LAMA3: variants seen among roughly 807,000 people sequenced by gnomAD.
The protein encoded by LAMA3 is laminin subunit alpha-3.
LAMA3 carries 281 observed loss-of-function variants against 402.0 expected under a neutral mutation model. The observed-to-expected ratio is 0.70, with a 90% CI of 0.63 to 0.77. The LOEUF (loss-of-function observed/expected upper bound fraction) is 0.77. Among genes scored for constraint, LAMA3 ranks in the 30% least tolerant of loss-of-function variants. The probability of loss-of-function intolerance (pLI) is 0.00; values close to 1 mark genes in which losing one functional copy is unlikely to be tolerated. For missense variants in LAMA3, 3,840 were observed against 4,215.5 expected, an observed-to-expected ratio of 0.91 and a Z score of 2.47; for synonymous variants, 1,431 against 1,558.4, an observed-to-expected ratio of 0.92 and a Z score of 1.93.
chr18:23,689,605 CGGGAGGCGCAGGCGGAG>C lies in LAMA3; in HGVS notation c.-78_-62del. 2.7e-5 allele frequency: 33 copies of C among 1,201,278 alleles called. No individual in the cohort carries two copies. The highest frequency in any genetic ancestry group is 3.4e-5 in the Non-Finnish European group (33 of 961,372). The allele number at this position is 1,201,278 out of a possible 1,614,324, so 74.4% of individuals were successfully genotyped here. On this transcript the variant is annotated 5_prime_UTR_variant, in exon 1 of 75. Transcript: ENST00000313654. Reference sequence around the variant, plus strand: ...TGCGCTAGTCCTGGCGCTGCAGGTCCGGGAGGCGCAGGCGGAGAGCGGCGGTGCCCCCGAGCCCCTCT... The same window carrying C: ...TGCGCTAGTCCTGGCGCTGCAGGTCCAGCGGCGGTGCCCCCGAGCCCCTCT...
At chr18:23,722,447 A>G (rs889499912) in intron 2 of LAMA3, among the ~76,000 whole-genome samples, 4 of 152,186 alleles carry the variant, frequency 2.6e-5, no homozygotes, top group African/African-American at 7.2e-5. Context: ...TGTGTCCTCC[A>G]CTAAGATGGA....
intron 3 of LAMA3, 68 bp from the exon 4 acceptor site, chr18:23,749,360 G>A: frequency 7.2e-6 from 6 of 837,870 alleles, no homozygotes; most frequent in Non-Finnish European, 1.2e-5. Context: ...GAAACATAAG[G>A]CTTCTTAAGA....
At chr18:23,944,381 A>G (rs1244165940) in intron 69 of LAMA3, among the ~76,000 whole-genome samples, 2 of 152,200 alleles carry the variant, frequency 1.3e-5, no homozygotes, top group African/African-American at 4.8e-5. Context: ...AAGAAATACC[A>G]TTTAAGGCAA....
In LAMA3 at chr18:23,879,092, T is replaced by C. The variant is rs998209246; in HGVS notation, c.5112+2685T>C. ...TCTTCTTTCTTCATCTTCCTTCTTT[T>C]ATTTTCTGCTACTTGAGCCCATCTT... On this transcript the variant is annotated intron_variant, in intron 39 of 74. Coordinates refer to ENST00000313654, the MANE Select transcript of LAMA3 (RefSeq NM_198129.4). The surrounding 1 kb of genome is among the most constrained non-coding windows in gnomAD (Gnocchi z 4.2). Among the ~76,000 whole-genome samples, 8 of 152,174 alleles carry C rather than the reference T, an allele frequency of 5.3e-5. No individual in the cohort carries two copies. The highest frequency in any genetic ancestry group is 1.9e-4 in the African/African-American group (8 of 41,448).
intron 8 of LAMA3, among the ~76,000 whole-genome samples, chr18:23,770,594 TACTAAAAA>T (rs2062175874): frequency 6.6e-6 from 1 of 152,058 alleles, no homozygotes; most frequent in Admixed American, 6.6e-5. Flanking sequence ...ACCCTGACTC[TACTAAAAA>T]TACCAAAAAT....
chr18:23,867,633 A>T (rs545550929), intron 36 of LAMA3, among the ~76,000 whole-genome samples: 11 of 151,562 alleles, frequency 7.3e-5, no homozygotes, highest in East Asian at 1.9e-4. Flanking sequence ...CTGATTTCCT[A>T]TTTGTGAAAA....
intron 1 of LAMA3, among the ~76,000 whole-genome samples, chr18:23,690,760 C>A (rs1475826915): frequency 1.4e-5 from 2 of 146,374 alleles, no homozygotes; most frequent in Admixed American, 7.3e-5. Context: ...ACAGGCGTGC[C>A]CCCCCGTGCC....
At chr18:23,941,853 A>G (rs989271908) in intron 68 of LAMA3, among the ~76,000 whole-genome samples, 2 of 152,206 alleles carry the variant, frequency 1.3e-5, no homozygotes, top group Admixed American at 6.5e-5. Flanking sequence ...CCAGGCCCAC[A>G]TATGGAAAGT....
At chr18:23,749,086 G>C (rs1187440183) in intron 3 of LAMA3, among the ~76,000 whole-genome samples, 1 of 152,108 alleles carries the variant, frequency 6.6e-6, no homozygotes, top group African/African-American at 2.4e-5. Flanking sequence ...AGAATGTCAG[G>C]GTTTCTGAAC....
chr18:23,780,577 A>G (rs1021538902), intron 11 of LAMA3, among the ~76,000 whole-genome samples: 1 of 152,106 alleles, frequency 6.6e-6, no homozygotes, highest in Non-Finnish European at 1.5e-5. Context: ...GAGGAATAAG[A>G]AAAGACCTGA....
chr18:23,913,940 T>C (rs2081521357), intron 56 of LAMA3, among the ~76,000 whole-genome samples: 1 of 152,234 alleles, frequency 6.6e-6, no homozygotes, highest in African/African-American at 2.4e-5. Flanking sequence ...TTTTAAAACA[T>C]TTTGTTTCTA....
Position 23,950,174 on chromosome 18 carries a change from G to C in LAMA3, c.9642+15G>C. 6.2e-7 allele frequency: 1 copy of C among 1,613,872 alleles called. No homozygotes were observed. Among genetic ancestry groups the C allele is most frequent in the Non-Finnish European group, 8.5e-7 (1 of 1,179,996 alleles). On this transcript the variant is annotated intron_variant, in intron 72 of 74. Coordinates refer to ENST00000313654, the MANE Select transcript of LAMA3 (RefSeq NM_198129.4). ...AGGCAGGAAAGGTGTGTAGCAGTCTGATGCCATGGGGAGGGTCTGTAGAAA... is the reference window on the plus strand; with the variant it reads ...AGGCAGGAAAGGTGTGTAGCAGTCTCATGCCATGGGGAGGGTCTGTAGAAA...
intron 62 of LAMA3, among the ~76,000 whole-genome samples, chr18:23,927,760 T>A (rs2082048473): frequency 6.6e-6 from 1 of 152,370 alleles, no homozygotes; most frequent in South Asian, 2.1e-4. Flanking sequence ...TCATATATCA[T>A]CTATTAACTT....
chr18:23,731,033 A>C (rs1422028677), intron 2 of LAMA3, among the ~76,000 whole-genome samples: 1 of 152,146 alleles, frequency 6.6e-6, no homozygotes, highest in East Asian at 1.9e-4. Flanking sequence ...AGGCTGTCTG[A>C]AGACGGTGCC....
intron 30 of LAMA3, 31 bp from the exon 31 acceptor site, chr18:23,846,266 G>T: frequency 6.2e-7 from 1 of 1,608,306 alleles, no homozygotes; most frequent in Non-Finnish European, 8.5e-7. Context: ...ACCTCCCCAG[G>T]CATCACCATG....
rs1169431192 is a variant in LAMA3, at chr18:23,907,558, C to G, written c.6727C>G (p.Pro2243Ala). ...TQKKLKQEVSPALNNLQQTLN... is the reference protein window; with the variant it reads ...TQKKLKQEVSAALNNLQQTLN... ...GCTTTATTTTATTTTAGAAGTCAGTCCAGCTCTCAACAACCTACAGCAAAC... is the reference window on the plus strand; with the variant it reads ...GCTTTATTTTATTTTAGAAGTCAGTGCAGCTCTCAACAACCTACAGCAAAC... Residue 2243 changes from proline to alanine, a missense_variant, in exon 53 of 75, where the codon CCA becomes GCA. Around this residue, in one of 3 missense-constraint regions of LAMA3, gnomAD observed 891 missense variants for 857.5 expected, o/e 1.04. Coordinates refer to ENST00000313654, the MANE Select transcript of LAMA3 (RefSeq NM_198129.4). 1 of 1,610,760 alleles carries G rather than the reference C, an allele frequency of 6.2e-7. No homozygotes were observed. The highest frequency in any genetic ancestry group is 2.2e-5 in the East Asian group (1 of 44,892).
rs917802182 is a variant in LAMA3, at chr18:23,932,351, C to T, written c.8708+60C>T. The T allele has an allele frequency of 1.8e-5, 28 of 1,577,982 alleles. No individual in the cohort carries two copies. In the Admixed American group the frequency reaches 4.2e-4, roughly 24 times the overall value. On this transcript the variant is annotated intron_variant, in intron 66 of 74. Coordinates refer to ENST00000313654, the MANE Select transcript of LAMA3 (RefSeq NM_198129.4). The stretch of plus-strand genomic sequence containing the variant: ...AACGGCCTGCCCATGGGAAGGGTAT[C>T]TCTTTGGTCCAGTTAACAAAGTCAG...
intron 7 of LAMA3, among the ~76,000 whole-genome samples, chr18:23,760,425 A>G (rs1406675315): frequency 6.6e-6 from 1 of 152,196 alleles, no homozygotes; most frequent in Non-Finnish European, 1.5e-5. Flanking sequence ...TAATTTGTGT[A>G]ATATCTAATT....
chr18:23,843,192 G>A (rs995503374), intron 29 of LAMA3, among the ~76,000 whole-genome samples: 3 of 151,750 alleles, frequency 2.0e-5, no homozygotes, highest in Non-Finnish European at 2.9e-5. Flanking sequence ...TACATCTTCC[G>A]TGCCCATCGA....
Sources: gnomAD v4.1 joint callset for allele counts (sites outside exome capture counted in the v4.1 genomes callset) on GRCh38, gnomAD v4.1.1 for gene constraint, gnomAD v4.1.1 regional missense constraint, Gnocchi (gnomAD v3.1) non-coding constraint, MANE v1.5 for transcripts, NCBI Gene and HGNC (gene_info 2026-07-23, HGNC 2026-07-21) for gene names.